Variants in COLEC12 observed in about 807,000 individuals in gnomAD.
COLEC12 encodes the protein collectin-12.
Under a neutral mutation model 71.1 loss-of-function variants are expected in COLEC12, and 33 were observed. That is an observed-to-expected ratio of 0.46 (90% CI 0.35 to 0.62). COLEC12 has a LOEUF of 0.62. COLEC12 is among the 20% of genes least tolerant of loss of function. The probability of loss-of-function intolerance (pLI) is 0.00; values close to 1 mark genes in which losing one functional copy is unlikely to be tolerated. For synonymous variants in COLEC12, 350 were observed against 353.0 expected, an observed-to-expected ratio of 0.99 and a Z score of 0.10; for missense variants, 765 against 916.1, an observed-to-expected ratio of 0.84 and a Z score of 2.13.
At chr18:323,789 T>C (rs1913771170) in intron 8 of COLEC12, among the ~76,000 whole-genome samples, 1 of 152,218 alleles carries the variant, frequency 6.6e-6, no homozygotes, top group African/African-American at 2.4e-5. Context: ...TCTCAGTTAA[T>C]TGGGAAATTA....
chr18:397,728 G>C (rs540577055), intron 2 of COLEC12, among the ~76,000 whole-genome samples: 2 of 152,184 alleles, frequency 1.3e-5, no homozygotes, highest in Non-Finnish European at 2.9e-5. Flanking sequence ...GTTAAAGCTA[G>C]ATAATACCTC....
At chr18:397,814 G>A (rs1343416676) in intron 2 of COLEC12, among the ~76,000 whole-genome samples, 1 of 152,160 alleles carries the variant, frequency 6.6e-6, no homozygotes, top group Non-Finnish European at 1.5e-5. Context: ...AGAACTTGTA[G>A]AAAAGGCCAA....
At chr18:381,281 G>A (rs1598345536) in intron 2 of COLEC12, among the ~76,000 whole-genome samples, 2 of 152,306 alleles carry the variant, frequency 1.3e-5, no homozygotes, top group East Asian at 1.9e-4. Context: ...CAGGAGAGAA[G>A]AGGGATATTG....
At chr18:321,939 A>AAATC in intron 8 of COLEC12, 132 bp from the exon 9 acceptor site, 1 of 844,066 alleles carries the variant, frequency 1.2e-6, no homozygotes, top group Non-Finnish European at 1.8e-6. Context: ...TGCAGTTTAA[A>AAATC]AATCAGTACA....
At chr18:440,360 A>AACAC (rs77004542) in intron 2 of COLEC12, among the ~76,000 whole-genome samples, 22,923 of 118,438 alleles carry the variant, frequency 0.19, 2,175 homozygotes, top group Middle Eastern at 0.26. Flanking sequence ...AAATGTTCTC[A>AACAC]ACACACACAC....
intron 3 of COLEC12, among the ~76,000 whole-genome samples, chr18:353,905 G>A (rs1253739626): frequency 6.6e-6 from 1 of 152,214 alleles, no homozygotes; most frequent in Non-Finnish European, 1.5e-5. Flanking sequence ...AGTGTGATTT[G>A]ATGTGTATTT....
intron 2 of COLEC12, among the ~76,000 whole-genome samples, chr18:396,258 C>A (rs1915569127): frequency 6.6e-6 from 1 of 152,218 alleles, no homozygotes; most frequent in Non-Finnish European, 1.5e-5. Context: ...AAACAAACAG[C>A]ATTTGTGCAA....
At chr18:331,926 T>C (rs1913992523) in intron 7 of COLEC12, 149 bp from the exon 8 acceptor site, 2 of 614,502 alleles carry the variant, frequency 3.3e-6, no homozygotes, top group Admixed American at 2.9e-5. Flanking sequence ...TGCTTTTTTC[T>C]TGCTACTTGC....
At chr18:466,613 T>C (rs1198941270) in intron 2 of COLEC12, among the ~76,000 whole-genome samples, 1 of 152,178 alleles carries the variant, frequency 6.6e-6, no homozygotes, top group Non-Finnish European at 1.5e-5. Flanking sequence ...GCACCTTGAG[T>C]GCAAAGCACA....
chr18:347,387 TGTTCA>T, intron 4 of COLEC12, 46 bp from the exon 5 acceptor site: 1 of 1,524,562 alleles, frequency 6.6e-7, no homozygotes, highest in Non-Finnish European at 9.0e-7. Flanking sequence ...TATGGAGAAG[TGTTCA>T]GGCAAGGCCA....
intron 5 of COLEC12, among the ~76,000 whole-genome samples, chr18:335,868 C>T (rs937218676): frequency 2.8e-4 from 43 of 152,176 alleles, no homozygotes; most frequent in Non-Finnish European, 3.2e-4. Flanking sequence ...CACTGATGTC[C>T]TTCATGGTGA....
intron 2 of COLEC12, among the ~76,000 whole-genome samples, chr18:358,861 T>C (rs1320110204): frequency 6.6e-6 from 1 of 152,206 alleles, no homozygotes; most frequent in Non-Finnish European, 1.5e-5. Context: ...TTTGTGTATC[T>C]AAACATAGAA....
At chr18:342,538 G>A (rs967182302) in intron 5 of COLEC12, among the ~76,000 whole-genome samples, 35 of 152,232 alleles carry the variant, frequency 2.3e-4, no homozygotes, top group African/African-American at 7.7e-4. Flanking sequence ...ATAAGCCAAC[G>A]TTAATCCATC....
chr18:424,165 T>A (rs1916152860), intron 2 of COLEC12: 1 of 152,218 alleles, frequency 6.6e-6, no homozygotes, highest in African/African-American at 2.4e-5. Context: ...TGGCATGACC[T>A]AGGAGTGACC....
intron 2 of COLEC12, among the ~76,000 whole-genome samples, chr18:425,179 C>T (rs1049878515): frequency 9.9e-5 from 15 of 152,202 alleles, no homozygotes; most frequent in East Asian, 3.9e-4. Context: ...TATTCACCAA[C>T]GTATGCAGAA....
At chr18:402,246 C>T (rs1454590149) in intron 2 of COLEC12, among the ~76,000 whole-genome samples, 1 of 152,078 alleles carries the variant, frequency 6.6e-6, no homozygotes, top group East Asian at 1.9e-4. Flanking sequence ...AGAGGTTTCC[C>T]GTTGGTTCCT....
intron 2 of COLEC12, among the ~76,000 whole-genome samples, chr18:475,130 C>A (rs1027581834): frequency 6.6e-6 from 1 of 151,996 alleles, no homozygotes; most frequent in African/African-American, 2.4e-5. Flanking sequence ...ATTTGTAAAA[C>A]CACATAAATG....
chr18:388,173 C>T (rs1915387523), intron 2 of COLEC12, among the ~76,000 whole-genome samples: 1 of 152,128 alleles, frequency 6.6e-6, no homozygotes, highest in Non-Finnish European at 1.5e-5. Context: ...TGGTAATAAA[C>T]CATCTACATA....
intron 2 of COLEC12, among the ~76,000 whole-genome samples, chr18:407,070 G>T (rs543990921): frequency 6.6e-6 from 1 of 152,378 alleles, no homozygotes; most frequent in East Asian, 1.9e-4. Flanking sequence ...TCCGCTGGCT[G>T]AGGGAAACAC....
Sources: gnomAD v4.1 joint callset for allele counts (sites outside exome capture counted in the v4.1 genomes callset) on GRCh38, gnomAD v4.1.1 for gene constraint, MANE v1.5 for transcripts, NCBI Gene and HGNC (gene_info 2026-07-23, HGNC 2026-07-21) for gene names.